Variants in AFF1 observed in about 807,000 individuals in gnomAD.
AFF1 encodes AF4/FMR2 family member 1.
A neutral mutation model predicts 121.7 loss-of-function variants in AFF1; 48 were observed. The observed-to-expected ratio is 0.39, with a 90% CI of 0.31 to 0.50. The LOEUF (loss-of-function observed/expected upper bound fraction) is 0.50. Ranked by LOEUF, AFF1 falls within the 20% of genes least tolerant of loss-of-function variation. The probability of loss-of-function intolerance (pLI) is 0.76; values close to 1 mark genes in which losing one functional copy is unlikely to be tolerated. For missense variants in AFF1, 1,523 were observed against 1,511.7 expected (o/e 1.01, Z -0.12); for synonymous variants, 613 against 563.0 (o/e 1.09, Z -1.26).
chr4:86,959,113 G>A (rs1721961995), intron 2 of AFF1, among the ~76,000 whole-genome samples: 1 of 152,082 alleles, frequency 6.6e-6, no homozygotes, highest in Non-Finnish European at 1.5e-5. Flanking sequence ...TAATTTCCTG[G>A]TTTCTAATGT....
intron 2 of AFF1, among the ~76,000 whole-genome samples, chr4:86,968,256 C>G (rs1722671942): frequency 6.6e-6 from 1 of 152,024 alleles, no homozygotes; most frequent in African/African-American, 2.4e-5. Flanking sequence ...ATCTTCCTTA[C>G]AAGATTCTGT....
At chr4:87,050,321 CTGAG>C (rs1450383044) in intron 4 of AFF1, among the ~76,000 whole-genome samples, 1 of 152,168 alleles carries the variant, frequency 6.6e-6, no homozygotes, top group Non-Finnish European at 1.5e-5. Context: ...TCCTAGTGCT[CTGAG>C]TGTGAGGGGA....
chr4:86,973,233 A>C (rs530145463), intron 2 of AFF1, among the ~76,000 whole-genome samples: 1 of 152,112 alleles, frequency 6.6e-6, no homozygotes. Context: ...TTGGCAGCCA[A>C]CTGTGGAGTG....
rs188130985 is a variant in AFF1 at position 86,975,065 on chromosome 4, C to T, written c.38+26494C>T. On this transcript the variant is annotated intron_variant, in intron 2 of 20. Coordinates refer to ENST00000395146, the MANE Select transcript of AFF1 (RefSeq NM_001166693.3). The stretch of plus-strand genomic sequence containing the variant: ...TTGCAAGTCTCTTTGCAACCCAATA[C>T]GCACTTATCTCTTTAGTGCTTTTCC... 3.1e-4 allele frequency among the ~76,000 whole-genome samples: 47 copies of T among 152,260 alleles called. No individual in the cohort carries two copies. In the East Asian group the frequency reaches 7.5e-3, roughly 24 times the overall value.
chr4:87,036,165 G>C (rs1290745855), intron 2 of AFF1, among the ~76,000 whole-genome samples: 1 of 152,182 alleles, frequency 6.6e-6, no homozygotes, highest in Non-Finnish European at 1.5e-5. Flanking sequence ...TAAATAACTA[G>C]TCAGGTGACA....
At chr4:86,973,378 T>G (rs1723076879) in intron 2 of AFF1, among the ~76,000 whole-genome samples, 1 of 152,178 alleles carries the variant, frequency 6.6e-6, no homozygotes, top group African/African-American at 2.4e-5. Flanking sequence ...ACTATAGACA[T>G]AATCTGCAGA....
At chr4:87,059,785 G>A (rs548266624) in intron 4 of AFF1, among the ~76,000 whole-genome samples, 4 of 152,306 alleles carry the variant, frequency 2.6e-5, no homozygotes, top group African/African-American at 9.6e-5. Flanking sequence ...CCGCTGCCCA[G>A]GCCCGAGTTT....
intron 7 of AFF1, among the ~76,000 whole-genome samples, chr4:87,092,493 A>C (rs1724416401): frequency 6.6e-6 from 1 of 152,224 alleles, no homozygotes; most frequent in Admixed American, 6.5e-5. Flanking sequence ...GGAATATGAC[A>C]TACAGTTTGT....
At chr4:87,012,838 G>A (rs1481656951) in intron 2 of AFF1, among the ~76,000 whole-genome samples, 1 of 152,076 alleles carries the variant, frequency 6.6e-6, no homozygotes, top group Non-Finnish European at 1.5e-5. Flanking sequence ...GCAGTGATCA[G>A]TGTTGAGAAT....
rs780650684 is a variant in AFF1 at position 87,131,168 on chromosome 4, A to G, written c.3050A>G (p.Gln1017Arg). 6.2e-7 allele frequency: 1 copy of G among 1,614,246 alleles called. No homozygotes were observed. The highest frequency in any genetic ancestry group is 2.2e-5 in the East Asian group (1 of 44,886). ...GGAATTGCCACAGAGTCTGAAAGCC[A>G]GTCATCCAAGTCAGCTTACTCTGTC... The part of the protein sequence containing the change: ...ECGIATESES[Q>R]SSKSAYSVYS... Residue 1017 changes from glutamine to arginine, a missense_variant, in exon 17 of 21, where the codon CAG becomes CGG. Physicochemically the swap from Gln to Arg is conservative, Grantham distance 43. Coordinates refer to ENST00000395146, the MANE Select transcript of AFF1 (RefSeq NM_001166693.3).
chr4:86,964,271 G>A (rs560932400), intron 2 of AFF1, among the ~76,000 whole-genome samples: 22 of 150,288 alleles, frequency 1.5e-4, no homozygotes, highest in African/African-American at 4.9e-4. Context: ...TTGCAGGTGC[G>A]CACCACCACA....
At chr4:87,018,057 A>G (rs1241067479) in intron 2 of AFF1, among the ~76,000 whole-genome samples, 3 of 152,208 alleles carry the variant, frequency 2.0e-5, no homozygotes, top group Non-Finnish European at 4.4e-5. Flanking sequence ...AGTTACTGAA[A>G]TCTGCTGCTC....
chr4:86,992,840 A>G (rs1367184658), intron 2 of AFF1, among the ~76,000 whole-genome samples: 1 of 152,220 alleles, frequency 6.6e-6, no homozygotes, highest in East Asian at 1.9e-4. Context: ...TCGTGAAAAT[A>G]TGTATAATTG....
intron 2 of AFF1, among the ~76,000 whole-genome samples, chr4:86,980,918 T>TAA (rs1578887947): frequency 6.9e-6 from 1 of 144,366 alleles, no homozygotes; most frequent in South Asian, 2.1e-4. Flanking sequence ...CTCACGCCTA[T>TAA]AATCCCAGCA....
At position 87,046,229 on chromosome 4, in the gene AFF1, C is replaced by T. The variant is rs760212320; in HGVS notation, c.102C>T (p.Ala34=). The change falls in exon 3 of 21, where the codon GCC becomes GCT. Residue 34 remains alanine, a synonymous_variant. Transcript: ENST00000395146. ...AGAAGGAAAGACGCAACCAGGAAGC[C>T]CACCAAGAGAAAGAGGCATTTCCTG... ...IREKERRNQE[A]HQEKEAFPEK... The T allele has an allele frequency of 6.2e-7, 1 of 1,613,878 alleles. No homozygotes were observed. Among genetic ancestry groups the T allele is most frequent in the South Asian group, 1.1e-5 (1 of 91,050 alleles).
chr4:87,101,736 G>A (rs549319536), intron 8 of AFF1, among the ~76,000 whole-genome samples: 2 of 152,260 alleles, frequency 1.3e-5, no homozygotes, highest in East Asian at 3.9e-4. Context: ...AGTGGTTCCC[G>A]AAAAGTGTTA....
intron 8 of AFF1, among the ~76,000 whole-genome samples, chr4:87,099,186 A>C (rs1460293229): frequency 6.6e-6 from 1 of 152,164 alleles, no homozygotes; most frequent in Non-Finnish European, 1.5e-5. Flanking sequence ...CTGAGAGTAC[A>C]ATTTGCTGAT....
chr4:86,948,793 T>C (rs1330404559), intron 2 of AFF1, among the ~76,000 whole-genome samples: 1 of 152,208 alleles, frequency 6.6e-6, no homozygotes, highest in Non-Finnish European at 1.5e-5. Flanking sequence ...ACTCATTTTT[T>C]TTAAAAATGT....
intron 2 of AFF1, among the ~76,000 whole-genome samples, chr4:86,968,062 A>G (rs1722658450): frequency 6.6e-6 from 1 of 152,160 alleles, no homozygotes; most frequent in African/African-American, 2.4e-5. Context: ...AAAACCCAGG[A>G]GAGTGCTCTC....
Sources: allele counts gnomAD v4.1 joint callset (sites outside exome capture counted in the v4.1 genomes callset), GRCh38; gene constraint gnomAD v4.1.1; transcripts MANE v1.5; gene names NCBI Gene and HGNC (gene_info 2026-07-23, HGNC 2026-07-21).